ANKRD55: variants seen among roughly 807,000 people sequenced by gnomAD.
ANKRD55 encodes the protein ankyrin repeat domain-containing protein 55.
A neutral mutation model predicts 60.6 loss-of-function variants in ANKRD55; 41 were observed. The observed-to-expected ratio is 0.68, with a 90% CI of 0.53 to 0.88. ANKRD55 has a LOEUF of 0.88. ANKRD55 is among the 40% of genes least tolerant of loss of function. The pLI is 0.00. For missense variants in ANKRD55, 732 were observed against 767.6 expected (o/e 0.95, Z 0.55); for synonymous variants, 264 against 290.3 (o/e 0.91, Z 0.92).
At position 56,143,918 on chromosome 5, in the gene ANKRD55, T is replaced by A. The variant is rs1181454615; in HGVS notation, c.495A>T (p.Pro165=). Residue 165 remains proline, a synonymous_variant, in exon 7 of 12, where the codon CCA becomes CCT. Coordinates refer to ENST00000341048, the MANE Select transcript of ANKRD55 (RefSeq NM_024669.3). ...INHQDNEGMT[P]LHWAAFHNQP... ...GGTTGTGGAAAGCCGCCCAGTGGAG[T>A]GGTGTCATTCCCTGCAAAACAACAG... is the stretch of plus-strand genomic sequence containing the variant. 6.2e-7 allele frequency: 1 copy of A among 1,613,770 alleles called. No individual in the cohort carries two copies. The highest frequency in any genetic ancestry group is 2.2e-5 in the East Asian group (1 of 44,874).
At position 56,138,127 on chromosome 5, in the gene ANKRD55, CT is replaced by C. The variant is rs70995774; in HGVS notation, c.612+5673del. ...GAAGACAGTTTGGTGGTTTCTTTTT[CT>C]TTTTTTTTTTTTTTTTTGAGACAGA... On this transcript the variant is annotated intron_variant, in intron 7 of 11. Coordinates refer to ENST00000341048, the MANE Select transcript of ANKRD55 (RefSeq NM_024669.3). Among the ~76,000 whole-genome samples, 125 of 129,830 alleles carry C rather than the reference CT, an allele frequency of 9.6e-4. 1 individual carries two copies. The highest frequency in any genetic ancestry group is 2.0e-3 in the East Asian group (9 of 4,548). 85.2% of individuals were successfully genotyped at this position (129,830 alleles called of 152,430 possible).
intron 8 of ANKRD55, among the ~76,000 whole-genome samples, chr5:56,126,493 T>G (rs888014037): frequency 2.6e-5 from 4 of 152,312 alleles, no homozygotes; most frequent in Admixed American, 2.6e-4. Flanking sequence ...TACAGTTCCT[T>G]GCAGTTCTAA....
At chr5:56,151,462 T>C (rs1758041645) in intron 6 of ANKRD55, among the ~76,000 whole-genome samples, 1 of 152,114 alleles carries the variant, frequency 6.6e-6, no homozygotes, top group Non-Finnish European at 1.5e-5. Flanking sequence ...TAAAATAACA[T>C]GACTTTTTCT....
intron 2 of ANKRD55, among the ~76,000 whole-genome samples, chr5:56,225,869 T>A (rs1260393419): frequency 6.6e-6 from 1 of 152,220 alleles, no homozygotes; most frequent in African/African-American, 2.4e-5. Flanking sequence ...TCCATGCTCA[T>A]GGATAGGAAG....
At chr5:56,172,878 G>A (rs946500670) in intron 4 of ANKRD55, among the ~76,000 whole-genome samples, 3 of 152,170 alleles carry the variant, frequency 2.0e-5, no homozygotes, top group Admixed American at 2.0e-4. Flanking sequence ...TGAGAAGTCA[G>A]GGAAAAAAAG....
At chr5:56,201,735 T>C (rs1430706734) in intron 2 of ANKRD55, among the ~76,000 whole-genome samples, 1 of 152,070 alleles carries the variant, frequency 6.6e-6, no homozygotes, top group Admixed American at 6.5e-5. Flanking sequence ...ATTAGTGGGG[T>C]GATTCCTCAA....
At chr5:56,160,320 G>A (rs1758295075) in intron 5 of ANKRD55, among the ~76,000 whole-genome samples, 1 of 152,174 alleles carries the variant, frequency 6.6e-6, no homozygotes, top group South Asian at 2.1e-4. Flanking sequence ...CTCACTGCAA[G>A]CTCCGCCTCC....
chr5:56,136,794 G>A (rs1258218087), intron 7 of ANKRD55, among the ~76,000 whole-genome samples: 1 of 142,450 alleles, frequency 7.0e-6, no homozygotes, highest in East Asian at 2.0e-4. Context: ...TTGTGGGTGT[G>A]CCTATAGTCC....
intron 10 of ANKRD55, among the ~76,000 whole-genome samples, chr5:56,107,663 G>A (rs1174580862): frequency 6.6e-6 from 1 of 152,130 alleles, no homozygotes; most frequent in Non-Finnish European, 1.5e-5. Flanking sequence ...AGCCAGATGA[G>A]TTCTTAATGG....
rs1759395336 is a variant in ANKRD55, at chr5:56,202,162, G to T, written c.59-18528C>A. 2.6e-5 allele frequency among the ~76,000 whole-genome samples: 4 copies of T among 152,192 alleles called. No individual in the cohort carries two copies. In the South Asian group the frequency reaches 8.3e-4, roughly 31 times the overall value. ...CCTGTCAGAGGGGGTGGTGTGGGGAGAGGGGGAGCATCAGGAAGAAGAGCT... is the reference window on the plus strand; with the variant it reads ...CCTGTCAGAGGGGGTGGTGTGGGGATAGGGGGAGCATCAGGAAGAAGAGCT... On this transcript the variant is annotated intron_variant, in intron 2 of 11. Transcript: ENST00000341048.
At chr5:56,151,347 A>G (rs1758038722) in intron 6 of ANKRD55, among the ~76,000 whole-genome samples, 1 of 152,192 alleles carries the variant, frequency 6.6e-6, no homozygotes, top group African/African-American at 2.4e-5. Context: ...TGAAAATCTT[A>G]GTTTTTTGAG....
rs1261524114 is a variant in ANKRD55 at position 56,159,883 on chromosome 5, C to A, written c.433G>T (p.Val145Phe). Residue 145 changes from valine to phenylalanine, a missense_variant, in exon 6 of 12, where the codon GTC becomes TTC. By Grantham distance (50) the Val-to-Phe change is conservative. Coordinates refer to ENST00000341048, the MANE Select transcript of ANKRD55 (RefSeq NM_024669.3). ...CTGATGTTCGACTGTTGCAACAGGA[C>A]CGTGAGGAGCCTGTAAGGAAAAAAT... Reference protein sequence around the residue: ...TAEPDMRLLTVLLQQSNISEI... With the variant: ...TAEPDMRLLTFLLQQSNISEI... 6.2e-7 allele frequency: 1 copy of A among 1,613,402 alleles called. No individual in the cohort carries two copies. Among genetic ancestry groups the A allele is most frequent in the Non-Finnish European group, 8.5e-7 (1 of 1,179,608 alleles).
chr5:56,198,574 C>T (rs953813903), intron 2 of ANKRD55, among the ~76,000 whole-genome samples: 6 of 151,878 alleles, frequency 4.0e-5, no homozygotes, highest in Non-Finnish European at 7.4e-5. Context: ...CGTGAGCCAC[C>T]GCGCCTAGCC....
In ANKRD55 at chr5:56,100,075, G is replaced by T; in HGVS notation, c.*108C>A. On this transcript the variant is annotated 3_prime_UTR_variant, in exon 12 of 12. Coordinates refer to ENST00000341048, the MANE Select transcript of ANKRD55 (RefSeq NM_024669.3). ...CGAGTTATAAAACTGATGGCTTATA[G>T]AATGCAGCTTACTAAATTGGTCTTC... 7.0e-7 allele frequency: 1 copy of T among 1,434,094 alleles called. No individual in the cohort carries two copies. The highest frequency in any genetic ancestry group is 9.7e-7 in the Non-Finnish European group (1 of 1,030,942). The allele number at this position is 1,434,094 out of a possible 1,614,324, so 88.8% of individuals were successfully genotyped here.
chr5:56,219,646 T>TAAATG (rs1759913865), intron 2 of ANKRD55, among the ~76,000 whole-genome samples: 1 of 152,224 alleles, frequency 6.6e-6, no homozygotes, highest in Admixed American at 6.5e-5. Context: ...GACCCTGCAT[T>TAAATG]AAATGACCAA....
Position 56,127,106 on chromosome 5 carries a change from T to G in ANKRD55, c.613A>C (p.Ser205Arg), listed in dbSNP as rs766277805. ...FKTALHWAVQ[S>R]GNRILCSIIL... ...ATGGAGCACAGAATCCTATTTCCAC[T>G]CTGGAAAAGAGAGTCAAAGAAAGCC... Residue 205 changes from serine to arginine, a missense_variant and splice_region_variant, in exon 8 of 12, where the codon AGT becomes CGT. Physicochemically the swap from Ser to Arg is moderately radical, Grantham distance 110. Transcript: ENST00000341048. 2.8e-5 allele frequency: 45 copies of G among 1,599,870 alleles called. No homozygotes were observed. The highest frequency in any genetic ancestry group is 3.5e-5 in the Non-Finnish European group (41 of 1,171,892).
At chr5:56,193,050 C>T in intron 2 of ANKRD55, 1 of 925,474 alleles carries the variant, frequency 1.1e-6, no homozygotes, top group Non-Finnish European at 1.6e-6. Context: ...TTTTTGAAAG[C>T]AGATGATGAC....
At chr5:56,203,906 G>A (rs1297166125) in intron 2 of ANKRD55, among the ~76,000 whole-genome samples, 4 of 151,936 alleles carry the variant, frequency 2.6e-5, no homozygotes, top group African/African-American at 9.6e-5. Flanking sequence ...CTGAGGAATC[G>A]CCACACTGAC....
chr5:56,111,804 G>A (rs1434277573), intron 9 of ANKRD55, 22 bp from the exon 10 acceptor site: 5 of 1,473,466 alleles, frequency 3.4e-6, no homozygotes, highest in Middle Eastern at 2.3e-4. Flanking sequence ...TAAAAGAGCA[G>A]GGATGATATG....
Sources: gnomAD v4.1 joint callset for allele counts (sites outside exome capture counted in the v4.1 genomes callset) on GRCh38, gnomAD v4.1.1 for gene constraint, MANE v1.5 for transcripts, NCBI Gene and HGNC (gene_info 2026-07-23, HGNC 2026-07-21) for gene names.